TMCC1: variants seen among roughly 807,000 people sequenced by gnomAD.
TMCC1 encodes transmembrane and coiled-coil domains protein 1.
Under a neutral mutation model 52.4 loss-of-function variants are expected in TMCC1, and 15 were observed. That is an observed-to-expected ratio of 0.29 (90% CI 0.19 to 0.44). TMCC1 has a LOEUF of 0.44. TMCC1 is among the 20% of genes least tolerant of loss of function. The pLI, the probability that TMCC1 is intolerant of heterozygous loss-of-function variation, is 1.00. For synonymous variants in TMCC1, 279 were observed against 301.9 expected, an observed-to-expected ratio of 0.92 and a Z score of 0.79; for missense variants, 503 against 806.0, an observed-to-expected ratio of 0.62 and a Z score of 4.55.
intron 4 of TMCC1, among the ~76,000 whole-genome samples, chr3:129,675,719 GGCTA>G (rs1437536910): frequency 6.6e-6 from 1 of 152,024 alleles, no homozygotes; most frequent in Non-Finnish European, 1.5e-5. Flanking sequence ...CTATACACTT[GGCTA>G]GCTAACCTTC....
intron 2 of TMCC1, among the ~76,000 whole-genome samples, chr3:129,879,047 A>C (rs1264302550): frequency 6.6e-6 from 1 of 152,096 alleles, no homozygotes; most frequent in Non-Finnish European, 1.5e-5. Context: ...ATCTGTGAAC[A>C]CTCAACCCCT....
At chr3:129,712,385 C>T (rs545184651) in intron 4 of TMCC1, among the ~76,000 whole-genome samples, 11 of 152,260 alleles carry the variant, frequency 7.2e-5, no homozygotes, top group African/African-American at 2.4e-4. Context: ...TCAAATATAA[C>T]TGACTACAAA....
At chr3:129,739,853 A>G (rs2051305447) in intron 4 of TMCC1, among the ~76,000 whole-genome samples, 1 of 152,234 alleles carries the variant, frequency 6.6e-6, no homozygotes. Context: ...CGAAAACCTG[A>G]GGAGTCTGAT....
intron 2 of TMCC1, among the ~76,000 whole-genome samples, chr3:129,877,189 C>T (rs1028899948): frequency 6.6e-6 from 1 of 152,182 alleles, no homozygotes; most frequent in Admixed American, 6.5e-5. Flanking sequence ...CAGTCTTTAA[C>T]CTCCAACCGC....
At chr3:129,830,131 G>A (rs1249323311) in intron 3 of TMCC1, among the ~76,000 whole-genome samples, 1 of 152,158 alleles carries the variant, frequency 6.6e-6, no homozygotes, top group Non-Finnish European at 1.5e-5. Context: ...AATTCTTTGT[G>A]GCTCCACTGA....
intron 4 of TMCC1, among the ~76,000 whole-genome samples, chr3:129,784,948 C>G (rs1359613845): frequency 1.3e-5 from 2 of 152,010 alleles, no homozygotes; most frequent in Non-Finnish European, 2.9e-5. Flanking sequence ...CCACTGCACT[C>G]CAGCCTGGGT....
chr3:129,832,726 A>C (rs2107843921), intron 3 of TMCC1, 48 bp downstream of exon 3: 1 of 152,228 alleles, frequency 6.6e-6, no homozygotes, highest in African/African-American at 2.4e-5. Context: ...TTTGGTTTGG[A>C]CATGAACCAA....
At chr3:129,710,796 C>T (rs1224517353) in intron 4 of TMCC1, among the ~76,000 whole-genome samples, 2 of 152,140 alleles carry the variant, frequency 1.3e-5, no homozygotes, top group African/African-American at 2.4e-5. Flanking sequence ...ACACTAAGTC[C>T]AGGATATTTG....
intron 4 of TMCC1, among the ~76,000 whole-genome samples, chr3:129,815,521 T>C (rs768301794): frequency 4.6e-5 from 7 of 152,094 alleles, no homozygotes; most frequent in Admixed American, 3.9e-4. Flanking sequence ...CTTTAATAAA[T>C]GGTGCTGGGG....
intron 1 of TMCC1, among the ~76,000 whole-genome samples, chr3:129,884,359 GGC>G (rs1286758810): frequency 1.6e-4 from 24 of 152,180 alleles, no homozygotes; most frequent in Admixed American, 6.5e-5. Flanking sequence ...TGGGCATGGT[GGC>G]TCACACCTGT....
rs377762490 is a variant in TMCC1 at position 129,709,262 on chromosome 3, A to G, written c.577-37998T>C. On this transcript the variant is annotated intron_variant, in intron 4 of 6. Transcript: ENST00000393238. ...CAGAATGCTTGAGCCCAGGAGTTTGAGACTAGCCTGGGCAACATGGTGAGA... is the reference window on the plus strand; with the variant it reads ...CAGAATGCTTGAGCCCAGGAGTTTGGGACTAGCCTGGGCAACATGGTGAGA... Among the ~76,000 whole-genome samples the G allele has an allele frequency of 2.1e-4, 32 of 152,060 alleles. No individual in the cohort carries two copies. In the East Asian group the frequency reaches 6.0e-3, roughly 28 times the overall value.
At chr3:129,812,728 A>G in intron 4 of TMCC1, among the ~76,000 whole-genome samples, 1 of 152,196 alleles carries the variant, frequency 6.6e-6, no homozygotes, top group Non-Finnish European at 1.5e-5. Context: ...ACCTTTGAAG[A>G]TAACCTAGGA....
At chr3:129,808,683 C>CT (rs2057609591) in intron 4 of TMCC1, among the ~76,000 whole-genome samples, 1 of 150,648 alleles carries the variant, frequency 6.6e-6, no homozygotes, top group Non-Finnish European at 1.5e-5. Context: ...AATATATTTA[C>CT]ATTGGCATAA....
intron 2 of TMCC1, among the ~76,000 whole-genome samples, chr3:129,875,908 C>A (rs1215312529): frequency 2.6e-5 from 4 of 152,018 alleles, no homozygotes; most frequent in Non-Finnish European, 5.9e-5. Flanking sequence ...CCAAGGCGGG[C>A]GGATCACCTG....
intron 4 of TMCC1, among the ~76,000 whole-genome samples, chr3:129,821,727 G>T (rs2058433151): frequency 6.6e-6 from 1 of 152,064 alleles, no homozygotes; most frequent in African/African-American, 2.4e-5. Flanking sequence ...TCACAATGCA[G>T]AAATAACTCC....
In TMCC1 at chr3:129,651,855, C is replaced by A; in HGVS notation, c.1648-60G>T. On this transcript the variant is annotated intron_variant, in intron 6 of 6. Coordinates refer to ENST00000393238, the MANE Select transcript of TMCC1 (RefSeq NM_001017395.5). This position sits in a 1 kb window ranked among gnomAD's most constrained non-coding sequence, Gnocchi z 5.1. ...GCTCACAAGTATTCTGAGATGCTGA[C>A]ATGCCCCCTGGGCAAGCCAGATGCA... The A allele has an allele frequency of 1.9e-6, 3 of 1,546,132 alleles. No individual in the cohort carries two copies. The highest frequency in any genetic ancestry group is 2.6e-6 in the Non-Finnish European group (3 of 1,148,272).
chr3:129,888,150 ATAAT>A (rs2061806607), intron 1 of TMCC1, among the ~76,000 whole-genome samples: 1 of 152,226 alleles, frequency 6.6e-6, no homozygotes, highest in African/African-American at 2.4e-5. Flanking sequence ...CTGGAATGGA[ATAAT>A]TAATTCTGGC....
intron 4 of TMCC1, among the ~76,000 whole-genome samples, chr3:129,787,431 A>T (rs1444241334): frequency 6.6e-6 from 1 of 152,180 alleles, no homozygotes; most frequent in Non-Finnish European, 1.5e-5. Context: ...GTGCTACCAC[A>T]AGGGAAGTTG....
chr3:129,693,106 C>T (rs1338279131), intron 4 of TMCC1, among the ~76,000 whole-genome samples: 1 of 152,128 alleles, frequency 6.6e-6, no homozygotes. Context: ...GTAAAATATA[C>T]TACTGGGATG....
Sources: gnomAD v4.1 joint callset for allele counts (sites outside exome capture counted in the v4.1 genomes callset) on GRCh38, gnomAD v4.1.1 for gene constraint, Gnocchi (gnomAD v3.1) non-coding constraint, MANE v1.5 for transcripts, NCBI Gene and HGNC (gene_info 2026-07-23, HGNC 2026-07-21) for gene names.